TENM3: variants seen among roughly 807,000 people sequenced by gnomAD.
TENM3 encodes the protein teneurin-3.
TENM3 carries 63 observed loss-of-function variants against 255.1 expected under a neutral mutation model. The observed-to-expected ratio is 0.25, with a 90% CI of 0.20 to 0.30. The LOEUF is 0.30. TENM3 is among the 10% of genes least tolerant of loss of function. The pLI is 1.00. For missense variants in TENM3, 2,929 were observed against 3,461.1 expected (o/e 0.85, Z 3.86); for synonymous variants, 1,306 against 1,322.3 (o/e 0.99, Z 0.27).
Position 182,688,318 on chromosome 4 carries a change from A to T in TENM3, c.2188A>T (p.Ser730Cys). The T allele has an allele frequency of 6.2e-7, 1 of 1,613,732 alleles. No homozygotes were observed. Among genetic ancestry groups the T allele is most frequent in the Non-Finnish European group, 8.5e-7 (1 of 1,179,748 alleles). Residue 730 changes from serine to cysteine, a missense_variant, in exon 12 of 28, where the codon AGC (serine) becomes TGC (cysteine). Transcript: ENST00000511685. ...CTGCAAGGATGGCAAGTGTGAATGC[A>T]GCCAGGGCTGGAATGGAGAGCACTG... ...GTCKDGKCECSQGWNGEHCTI... is the reference protein window; with the variant it reads ...GTCKDGKCECCQGWNGEHCTI...
At chr4:182,495,563 T>C (rs1404128359) in intron 3 of TENM3, among the ~76,000 whole-genome samples, 2 of 152,182 alleles carry the variant, frequency 1.3e-5, no homozygotes, top group Admixed American at 1.3e-4. Flanking sequence ...AAGACTCTCT[T>C]GCATATTTTT....
the TENM3 span, among the ~76,000 whole-genome samples, chr4:182,130,204 C>A: frequency 6.6e-6 from 1 of 151,992 alleles, no homozygotes; most frequent in South Asian, 2.1e-4. Context: ...ATTTAGTTAT[C>A]GAGTTAAAGA....
intron 4 of TENM3, among the ~76,000 whole-genome samples, chr4:182,617,921 A>G (rs1246177291): frequency 6.6e-6 from 1 of 152,176 alleles, no homozygotes; most frequent in African/African-American, 2.4e-5. Flanking sequence ...ACTACACAAG[A>G]TAAGTATTTT....
At chr4:182,100,820 C>T in the TENM3 span, among the ~76,000 whole-genome samples, 908 of 10,060 alleles carry the variant, frequency 0.09, 230 homozygotes, top group Non-Finnish European at 0.31. Flanking sequence ...CATATATATA[C>T]ACATATATAT....
the TENM3 span, among the ~76,000 whole-genome samples, chr4:181,547,167 A>G: frequency 6.6e-6 from 1 of 152,218 alleles, no homozygotes; most frequent in Non-Finnish European, 1.5e-5. Flanking sequence ...AATCAGAGAA[A>G]AGAGAAAAAG....
chr4:182,241,074 T>C (rs1193033511), upstream of TENM3, among the ~76,000 whole-genome samples: 1 of 152,144 alleles, frequency 6.6e-6, no homozygotes, highest in Non-Finnish European at 1.5e-5. Context: ...TTCCACATGG[T>C]CCCCTTAATC....
the TENM3 span, among the ~76,000 whole-genome samples, chr4:181,530,578 C>T: frequency 2.0e-5 from 3 of 152,140 alleles, no homozygotes; most frequent in Non-Finnish European, 4.4e-5. Context: ...TGCTAACAGT[C>T]GTAGAATTTG....
At chr4:182,576,818 T>C (rs1188779461) in intron 3 of TENM3, among the ~76,000 whole-genome samples, 1 of 152,194 alleles carries the variant, frequency 6.6e-6, no homozygotes, top group East Asian at 1.9e-4. Context: ...AGGGTAGTCG[T>C]CATAAAATGT....
intron 22 of TENM3, among the ~76,000 whole-genome samples, chr4:182,765,403 T>C (rs1172299994): frequency 6.6e-6 from 1 of 152,224 alleles, no homozygotes; most frequent in East Asian, 1.9e-4. Context: ...TTTTGAAATC[T>C]TCAAATCTGT....
At chr4:181,451,904 C>T in the TENM3 span, among the ~76,000 whole-genome samples, 1 of 151,792 alleles carries the variant, frequency 6.6e-6, no homozygotes, top group South Asian at 2.1e-4. Context: ...AAAGAGAGAA[C>T]ATAGGGAGAT....
chr4:181,708,563 T>C, the TENM3 span, among the ~76,000 whole-genome samples: 3 of 114,656 alleles, frequency 2.6e-5, no homozygotes, highest in African/African-American at 9.1e-5. Flanking sequence ...GTCTTTAAAA[T>C]AACTGAAGGA....
intron 3 of TENM3, among the ~76,000 whole-genome samples, chr4:182,425,089 A>C (rs1042228657): frequency 6.6e-6 from 1 of 152,176 alleles, no homozygotes; most frequent in African/African-American, 2.4e-5. Context: ...ACTGGTATTA[A>C]TGAGGAAAAT....
In TENM3 at chr4:182,215,838, C is replaced by T. The variant is rs908624676; in HGVS notation, c.-76+71084C>T. Among the ~76,000 whole-genome samples the T allele has an allele frequency of 5.3e-5, 8 of 152,288 alleles. 1 individual carries two copies. The South Asian group carries it at 1.2e-3, about 24-fold the overall frequency. Reference sequence around the variant, plus strand: ...CAGGTTTCAAGTTCCACTGATGTCTCGATACCTTTCTAGGGTTAGGGCTGA... The same window carrying T: ...CAGGTTTCAAGTTCCACTGATGTCTTGATACCTTTCTAGGGTTAGGGCTGA... On this transcript the variant is annotated intron_variant, in intron 1 of 2. Transcript: ENST00000512480.
intron 2 of TENM3, among the ~76,000 whole-genome samples, chr4:182,324,545 G>A (rs1413725541): frequency 6.6e-6 from 1 of 152,206 alleles, no homozygotes; most frequent in African/African-American, 2.4e-5. Context: ...ACAAACTTGT[G>A]TAAACTTGAA....
chr4:181,977,796 T>C, the TENM3 span, among the ~76,000 whole-genome samples: 1 of 152,178 alleles, frequency 6.6e-6, no homozygotes, highest in South Asian at 2.1e-4. Flanking sequence ...CTGTGGATGC[T>C]CACCATCAGG....
At chr4:181,771,711 T>C in the TENM3 span, among the ~76,000 whole-genome samples, 40,471 of 152,180 alleles carry the variant, frequency 0.27, 5,490 homozygotes, top group East Asian at 0.37. Flanking sequence ...GTTTTTTAAA[T>C]GCAGATTCTG....
intron 3 of TENM3, among the ~76,000 whole-genome samples, chr4:182,392,957 A>C (rs985033742): frequency 6.6e-6 from 1 of 152,202 alleles, no homozygotes; most frequent in African/African-American, 2.4e-5. Context: ...ACAATTGATG[A>C]GATTTGTGAG....
intron 11 of TENM3, among the ~76,000 whole-genome samples, chr4:182,687,496 T>C (rs1380713181): frequency 6.6e-6 from 1 of 152,200 alleles, no homozygotes. Flanking sequence ...ACCTTGTTTT[T>C]CAAAGGAGAG....
At chr4:182,468,221 A>C (rs973916761) in intron 3 of TENM3, among the ~76,000 whole-genome samples, 1 of 152,176 alleles carries the variant, frequency 6.6e-6, no homozygotes, top group Admixed American at 6.5e-5. Flanking sequence ...GACTGTCTCT[A>C]CAAAAAAATG....
Sources: allele counts gnomAD v4.1 joint callset (sites outside exome capture counted in the v4.1 genomes callset), GRCh38; gene constraint gnomAD v4.1.1; transcripts MANE v1.5; gene names NCBI Gene and HGNC (gene_info 2026-07-23, HGNC 2026-07-21).